SCUBE1: variants seen among roughly 807,000 people sequenced by gnomAD.
SCUBE1 encodes the protein signal peptide, CUB domain and EGF like domain containing 1.
A neutral mutation model predicts 124.4 loss-of-function variants in SCUBE1; 59 were observed. The ratio of observed to expected loss-of-function variants is 0.47; its 90% CI spans 0.38 to 0.59. The LOEUF (loss-of-function observed/expected upper bound fraction) is 0.59, where lower values mean the gene tolerates loss of function less well. Among genes scored for constraint, SCUBE1 ranks in the 20% least tolerant of loss-of-function variants. SCUBE1 has a pLI of 0.00. For missense variants in SCUBE1, 1,150 were observed against 1,371.2 expected (o/e 0.84, Z 2.55); for synonymous variants, 545 against 550.9 (o/e 0.99, Z 0.15).
chr22:43,274,867 C>A (rs139046), intron 4 of SCUBE1, among the ~76,000 whole-genome samples: 64,837 of 152,056 alleles, frequency 0.43, 16,257 homozygotes, highest in Non-Finnish European at 0.58. Context: ...GGGGCGGCAG[C>A]GGGTACTTCT....
intron 3 of SCUBE1, among the ~76,000 whole-genome samples, chr22:43,300,012 T>C (rs79960548): frequency 0.01 from 1,544 of 152,376 alleles, 32 homozygotes; most frequent in African/African-American, 0.036. Flanking sequence ...CCACATTTCA[T>C]GTATCTCTTC....
intron 6 of SCUBE1, among the ~76,000 whole-genome samples, chr22:43,243,639 G>A (rs548170393): frequency 6.6e-6 from 1 of 152,362 alleles, no homozygotes; most frequent in South Asian, 2.1e-4. Context: ...CTCAGTCACC[G>A]TGTGGTGGAC....
At chr22:43,315,151 C>G (rs766207962) in intron 3 of SCUBE1, among the ~76,000 whole-genome samples, 5 of 151,986 alleles carry the variant, frequency 3.3e-5, no homozygotes, top group Non-Finnish European at 4.4e-5. Context: ...CAGCTTGAAG[C>G]CTTTGCTGGA....
At chr22:43,214,063 C>G (rs1220770088) in intron 16 of SCUBE1, 27 bp downstream of exon 16, 2 of 663,996 alleles carry the variant, frequency 3.0e-6, no homozygotes, top group South Asian at 1.8e-5. Context: ...CCCCCACCCC[C>G]ACCTCTCCTT....
intron 3 of SCUBE1, among the ~76,000 whole-genome samples, chr22:43,295,726 T>C (rs949878257): frequency 3.9e-5 from 6 of 152,218 alleles, no homozygotes; most frequent in African/African-American, 1.4e-4. Context: ...GACCGAAGTT[T>C]TTCTTGCCTT....
At chr22:43,318,772 C>A (rs185682788) in intron 3 of SCUBE1, among the ~76,000 whole-genome samples, 1 of 152,122 alleles carries the variant, frequency 6.6e-6, no homozygotes, top group Non-Finnish European at 1.5e-5. Context: ...TCTTGTCGCC[C>A]GGGCTGGAGT....
Position 43,253,721 on chromosome 22 carries a change from C to A in SCUBE1, c.727+4498G>T, listed in dbSNP as rs188081551. 7.2e-5 allele frequency among the ~76,000 whole-genome samples: 9 copies of A among 124,820 alleles called. 1 individual carries two copies. The highest frequency in any genetic ancestry group is 5.0e-4 in the Admixed American group (7 of 14,036). The allele number at this position is 124,820 out of a possible 152,430, so 81.9% of individuals were successfully genotyped here. On this transcript the variant is annotated intron_variant, in intron 6 of 21. Coordinates refer to ENST00000360835, the MANE Select transcript of SCUBE1 (RefSeq NM_173050.5). ...GCAAGCACAGAGGCCCTCCTCCCCC[C>A]GCCTGCACCACCCATTTACGTGATG...
intron 4 of SCUBE1, among the ~76,000 whole-genome samples, chr22:43,265,703 C>T (rs929365014): frequency 2.0e-5 from 3 of 152,234 alleles, no homozygotes; most frequent in Non-Finnish European, 4.4e-5. Context: ...GCCCAAATCG[C>T]TCTGATGGAC....
chr22:43,340,605 A>G (rs2146807309), intron 1 of SCUBE1, among the ~76,000 whole-genome samples: 1 of 127,548 alleles, frequency 7.8e-6, no homozygotes, highest in Middle Eastern at 3.6e-3. Flanking sequence ...CCTATAATCC[A>G]GGTTGATTCC....
rs1922676592 is a variant in SCUBE1, at chr22:43,234,429, T to G, written c.845-2554A>C. On this transcript the variant is annotated intron_variant, in intron 7 of 21. Coordinates refer to ENST00000360835, the MANE Select transcript of SCUBE1 (RefSeq NM_173050.5). This position sits in a 1 kb window ranked among gnomAD's most constrained non-coding sequence, Gnocchi z 4.4. ...ATTCTCACCACTCCTGCCTCCTCAG[T>G]GGAGCCTCAGGCCTTCCAGAGCCCC... is the stretch of plus-strand genomic sequence containing the variant. 6.6e-6 allele frequency among the ~76,000 whole-genome samples: 1 copy of G among 152,188 alleles called. No homozygotes were observed. The highest frequency in any genetic ancestry group is 1.5e-5 in the Non-Finnish European group (1 of 68,046).
intron 3 of SCUBE1, among the ~76,000 whole-genome samples, chr22:43,292,790 C>T (rs192689730): frequency 3.9e-5 from 6 of 152,326 alleles, no homozygotes; most frequent in Middle Eastern, 3.4e-3. Context: ...AGACACCACA[C>T]GGCTGCCTTT....
chr22:43,305,510 C>G (rs739308), intron 3 of SCUBE1, among the ~76,000 whole-genome samples: 110,163 of 151,986 alleles, frequency 0.72, 42,768 homozygotes, highest in Non-Finnish European at 0.87. Context: ...AGGAGGTTCT[C>G]CAGGTAGGGG....
chr22:43,305,856 C>T (rs739309), intron 3 of SCUBE1, among the ~76,000 whole-genome samples: 115,017 of 152,152 alleles, frequency 0.76, 45,136 homozygotes, highest in Middle Eastern at 0.87. Flanking sequence ...AGCAGCTGGG[C>T]TGCTGCCATG....
intron 4 of SCUBE1, among the ~76,000 whole-genome samples, chr22:43,284,460 C>A (rs1182688045): frequency 6.6e-6 from 1 of 152,228 alleles, no homozygotes; most frequent in South Asian, 2.1e-4. Context: ...TCAGGCCCCG[C>A]CTGAGTCTCA....
intron 4 of SCUBE1, among the ~76,000 whole-genome samples, chr22:43,276,304 A>T (rs4822272): frequency 2.6e-5 from 4 of 152,136 alleles, no homozygotes; most frequent in East Asian, 3.9e-4. Context: ...GGGCTGAGGC[A>T]GAGGAGGAGC....
chr22:43,242,885 G>GC (rs1016487401), intron 6 of SCUBE1, among the ~76,000 whole-genome samples: 79 of 152,194 alleles, frequency 5.2e-4, no homozygotes, highest in African/African-American at 1.9e-3. Context: ...CCTCACAGCA[G>GC]CCCCGGGGGA....
At chr22:43,288,487 C>T (rs1007506182) in intron 4 of SCUBE1, among the ~76,000 whole-genome samples, 30 of 152,346 alleles carry the variant, frequency 2.0e-4, no homozygotes, top group African/African-American at 6.3e-4. Flanking sequence ...CCCACCTCCC[C>T]GCCTCGGGCT....
At chr22:43,284,337 A>G (rs999934320) in intron 4 of SCUBE1, among the ~76,000 whole-genome samples, 7 of 152,236 alleles carry the variant, frequency 4.6e-5, no homozygotes, top group Admixed American at 2.6e-4. Flanking sequence ...TGCGTGCCAC[A>G]CTGCAGAAAA....
intron 4 of SCUBE1, among the ~76,000 whole-genome samples, chr22:43,268,598 G>A (rs2146719317): frequency 6.6e-6 from 1 of 152,374 alleles, no homozygotes; most frequent in African/African-American, 2.4e-5. Context: ...CCACATTCAG[G>A]CTGCCACTTG....
Sources: gnomAD v4.1 joint callset for allele counts (sites outside exome capture counted in the v4.1 genomes callset) on GRCh38, gnomAD v4.1.1 for gene constraint, Gnocchi (gnomAD v3.1) non-coding constraint, MANE v1.5 for transcripts, NCBI Gene and HGNC (gene_info 2026-07-23, HGNC 2026-07-21) for gene names.